ADAP2: variants seen among roughly 807,000 people sequenced by gnomAD.
The protein encoded by ADAP2 is arf-GAP with dual PH domain-containing protein 2.
ADAP2 carries 42 observed loss-of-function variants against 54.9 expected under a neutral mutation model. The ratio of observed to expected loss-of-function variants is 0.77; its 90% CI spans 0.60 to 0.99. ADAP2 has a LOEUF of 0.99. Among genes scored for constraint, ADAP2 ranks in the 50% least tolerant of loss-of-function variants. The probability of loss-of-function intolerance (pLI) is 0.00; values close to 1 mark genes in which losing one functional copy is unlikely to be tolerated. For synonymous variants in ADAP2, 177 were observed against 180.1 expected (o/e 0.98, Z 0.14); for missense variants, 429 against 480.4 (o/e 0.89, Z 1.00).
intron 7 of ADAP2, among the ~76,000 whole-genome samples, chr17:30,952,546 T>A (rs1904747608): frequency 6.6e-6 from 1 of 152,086 alleles, no homozygotes; most frequent in African/African-American, 2.4e-5. Context: ...CAGCTAATTT[T>A]TATATTTTTG....
intron 9 of ADAP2, 26 bp from the exon 10 acceptor site, chr17:30,956,215 G>A: frequency 6.2e-7 from 1 of 1,610,670 alleles, no homozygotes; most frequent in Non-Finnish European, 8.5e-7. Context: ...GGCACCCTCT[G>A]ATGACCCTGT....
In ADAP2 at chr17:30,956,284, A is replaced by G; in HGVS notation, c.926A>G (p.Gln309Arg). 6.2e-7 allele frequency: 1 copy of G among 1,614,210 alleles called. No homozygotes were observed. ...CAGGTTTTTCTTGGGAACAAGGAGCAGGGATATGAAGCCTACGAAGACCTG... is the reference window on the plus strand; with the variant it reads ...CAGGTTTTTCTTGGGAACAAGGAGCGGGGATATGAAGCCTACGAAGACCTG... ...QGQVFLGNKE[Q>R]GYEAYEDLPK... is the part of the protein sequence containing the mutation. Residue 309 changes from glutamine (Q) to arginine (R), a missense_variant, in exon 10 of 11, where the codon CAG (glutamine) becomes CGG (arginine). By Grantham distance (43) the Gln-to-Arg change is conservative. Coordinates refer to ENST00000330889, the MANE Select transcript of ADAP2 (RefSeq NM_018404.3).
Position 30,958,584 on chromosome 17 carries a change from TCTCTTAAGAGA to T in ADAP2, c.*720_*730del, listed in dbSNP as rs1905231500. The T allele has an allele frequency of 6.6e-6, 1 of 151,742 alleles. No homozygotes were observed. The highest frequency in any genetic ancestry group is 1.5e-5 in the Non-Finnish European group (1 of 67,998). 9.4% of individuals were successfully genotyped at this position (151,742 alleles called of 1,614,324 possible). A position where few individuals can be genotyped will look rare whatever the true frequency, so the allele number is the denominator to read the frequency against. ...AATGGAGACCCAAGGAGCTGGGAGG[TCTCTTAAGAGA>T]CTCTCTGATTCTCCGTGGCTGGGTG... On this transcript the variant is annotated 3_prime_UTR_variant, in exon 11 of 11. Coordinates refer to ENST00000330889, the MANE Select transcript of ADAP2 (RefSeq NM_018404.3).
intron 2 of ADAP2, among the ~76,000 whole-genome samples, chr17:30,924,748 C>T (rs975382009): frequency 1.3e-5 from 2 of 152,118 alleles, no homozygotes; most frequent in Non-Finnish European, 2.9e-5. Context: ...GATAAGGTCC[C>T]TGGCCATACA....
chr17:30,923,939 G>T (rs1304537868), intron 2 of ADAP2, among the ~76,000 whole-genome samples: 1 of 151,330 alleles, frequency 6.6e-6, no homozygotes, highest in African/African-American at 2.4e-5. Context: ...CCTGACCTTG[G>T]GTAATCCACC....
rs979638136 is a variant in ADAP2, at chr17:30,936,040, C to T, written c.510+1743C>T. Among the ~76,000 whole-genome samples, 65 of 152,288 alleles carry T rather than the reference C, an allele frequency of 4.3e-4. 1 individual carries two copies. The highest frequency in any genetic ancestry group is 3.9e-3 in the South Asian group (19 of 4,828). Reference sequence around the variant, plus strand: ...CAGTTAAAAACTTTAAACACCTTATCCCTTAGCTGTAATCCCCCACCCCAC... The same window carrying T: ...CAGTTAAAAACTTTAAACACCTTATTCCTTAGCTGTAATCCCCCACCCCAC... On this transcript the variant is annotated intron_variant, in intron 5 of 10. Transcript: ENST00000330889.
intron 5 of ADAP2, among the ~76,000 whole-genome samples, chr17:30,936,786 T>G (rs1483431557): frequency 6.6e-6 from 1 of 152,206 alleles, no homozygotes; most frequent in African/African-American, 2.4e-5. Context: ...TATTAAGTTG[T>G]AATAGTTCTG....
At chr17:30,946,336 G>A (rs920034103) in intron 6 of ADAP2, among the ~76,000 whole-genome samples, 5 of 151,704 alleles carry the variant, frequency 3.3e-5, no homozygotes, top group Non-Finnish European at 5.9e-5. Flanking sequence ...GGGTTCAAGC[G>A]ATCCTCTTGC....
At chr17:30,953,480 G>C (rs2142592345) in intron 8 of ADAP2, 130 bp downstream of exon 8, 1 of 865,884 alleles carries the variant, frequency 1.2e-6, no homozygotes, top group Non-Finnish European at 1.8e-6. Context: ...CACAGCCCAT[G>C]GGCCACATGC....
chr17:30,956,508 G>A, intron 10 of ADAP2, 39 bp downstream of exon 10: 1 of 1,588,470 alleles, frequency 6.3e-7, no homozygotes, highest in Admixed American at 1.7e-5. Flanking sequence ...TTTGGACAAG[G>A]GCAGAGGACA....
At chr17:30,955,658 T>G (rs1443031207) in intron 9 of ADAP2, among the ~76,000 whole-genome samples, 1 of 147,146 alleles carries the variant, frequency 6.8e-6, no homozygotes, top group Non-Finnish European at 1.5e-5. Flanking sequence ...AGAGGGTGCA[T>G]GCCATTGCAC....
chr17:30,943,825 C>T (rs1289818907), intron 5 of ADAP2, among the ~76,000 whole-genome samples: 1 of 148,620 alleles, frequency 6.7e-6, no homozygotes, highest in Admixed American at 6.8e-5. Context: ...TCAGCCTGGA[C>T]AACAGAGCAA....
At chr17:30,925,541 CCTTCTTCCTTCTTCTT>C (rs1325669506) in intron 2 of ADAP2, among the ~76,000 whole-genome samples, 2 of 148,406 alleles carry the variant, frequency 1.3e-5, no homozygotes, top group African/African-American at 4.9e-5. Flanking sequence ...TCTTCTTCTT[CCTTCTTCCTTCTTCTT>C]CTTCTTCTTC....
intron 4 of ADAP2, among the ~76,000 whole-genome samples, chr17:30,933,627 G>A (rs1403126948): frequency 6.6e-6 from 1 of 152,234 alleles, no homozygotes; most frequent in Non-Finnish European, 1.5e-5. Context: ...AGCCTCCTGA[G>A]TAGCTGGGAT....
At chr17:30,953,830 C>A (rs1200751935) in intron 8 of ADAP2, among the ~76,000 whole-genome samples, 2 of 152,138 alleles carry the variant, frequency 1.3e-5, no homozygotes, top group Non-Finnish European at 2.9e-5. Context: ...AGCCACCATG[C>A]CCAGCCAAAT....
chr17:30,924,295 C>T (rs1412084615), intron 2 of ADAP2, among the ~76,000 whole-genome samples: 1 of 151,896 alleles, frequency 6.6e-6, no homozygotes, highest in Non-Finnish European at 1.5e-5. Flanking sequence ...ATCACCTGAG[C>T]CTGTGAGAGT....
intron 1 of ADAP2, among the ~76,000 whole-genome samples, chr17:30,922,413 G>A (rs369207538): frequency 6.6e-6 from 1 of 152,172 alleles, no homozygotes; most frequent in Non-Finnish European, 1.5e-5. Context: ...TTCCAGTCCC[G>A]CTCTCTTCCC....
intron 5 of ADAP2, among the ~76,000 whole-genome samples, chr17:30,940,764 A>G (rs965323162): frequency 2.0e-5 from 3 of 151,990 alleles, no homozygotes; most frequent in Non-Finnish European, 4.4e-5. Flanking sequence ...GGGGAGAAGG[A>G]CTCTCTGGTG....
intron 10 of ADAP2, chr17:30,956,966 C>T (rs1905122035): frequency 6.2e-6 from 1 of 160,184 alleles, no homozygotes; most frequent in African/African-American, 2.4e-5. Flanking sequence ...TGTTCCTCCT[C>T]TTTACCAGTA....
Sources: allele counts gnomAD v4.1 joint callset (sites outside exome capture counted in the v4.1 genomes callset), GRCh38; gene constraint gnomAD v4.1.1; transcripts MANE v1.5; gene names NCBI Gene and HGNC (gene_info 2026-07-23, HGNC 2026-07-21).